The following PPFIBP2 variants were observed in gnomAD, a reference collection of about 807,000 sequenced individuals.
The protein encoded by PPFIBP2 is PPFIB scaffold protein 2, also known as liprin-beta-2.
A neutral mutation model predicts 118.3 loss-of-function variants in PPFIBP2; 118 were observed. The observed-to-expected ratio is 1.00, with a 90% CI of 0.86 to 1.16. PPFIBP2 has a LOEUF of 1.16. PPFIBP2 is among the 50% of genes most tolerant of loss of function. PPFIBP2 has a pLI of 0.00. For synonymous variants in PPFIBP2, 414 were observed against 397.4 expected (o/e 1.04, Z -0.50); for missense variants, 1,195 against 1,073.1 (o/e 1.11, Z -1.59).
At chr11:7,662,686 C>T in the PPFIBP2 span, among the ~76,000 whole-genome samples, 16 of 147,680 alleles carry the variant, frequency 1.1e-4, no homozygotes, top group East Asian at 2.0e-4. Context: ...TGAATCTGAA[C>T]GTTGGCCTGC....
intron 4 of PPFIBP2, among the ~76,000 whole-genome samples, chr11:7,594,869 A>G (rs1396790260): frequency 6.8e-6 from 1 of 147,620 alleles, no homozygotes; most frequent in Non-Finnish European, 1.5e-5. Context: ...GTGAGCCAAC[A>G]TCGCATCACT....
At chr11:7,618,099 A>G (rs1003302986) in intron 6 of PPFIBP2, among the ~76,000 whole-genome samples, 12 of 152,176 alleles carry the variant, frequency 7.9e-5, no homozygotes, top group Admixed American at 1.3e-4. Context: ...GGAAGTTACT[A>G]TGGTCCATAC....
intron 11 of PPFIBP2, among the ~76,000 whole-genome samples, chr11:7,631,543 G>A (rs912745476): frequency 2.6e-5 from 4 of 151,926 alleles, no homozygotes; most frequent in Non-Finnish European, 5.9e-5. Context: ...CATCTATTTC[G>A]TTTGTTTAAA....
chr11:7,515,447 G>T, intron 1 of PPFIBP2, among the ~76,000 whole-genome samples: 1 of 152,166 alleles, frequency 6.6e-6, no homozygotes, highest in African/African-American at 2.4e-5. Context: ...TGACATGAAG[G>T]CGGTAGGAAC....
At chr11:7,554,919 T>C (rs1262240799) in intron 2 of PPFIBP2, among the ~76,000 whole-genome samples, 1 of 152,092 alleles carries the variant, frequency 6.6e-6, no homozygotes, top group Non-Finnish European at 1.5e-5. Context: ...GACTTGGTTC[T>C]AATATGAAAG....
chr11:7,610,326 G>C lies in PPFIBP2; in HGVS notation c.522G>C (p.Lys174Asn). 6.2e-7 allele frequency: 1 copy of C among 1,614,182 alleles called. No individual in the cohort carries two copies. Among genetic ancestry groups the C allele is most frequent in the Non-Finnish European group, 8.5e-7 (1 of 1,180,008 alleles). ...LLSRTSLETQ[K>N]LDLMTEVSEL... Reference sequence around the variant, plus strand: ...GCCGCACATCTCTTGAGACCCAGAAGCTCGATCTGATGACTGAAGTGTCTG... The same window carrying C: ...GCCGCACATCTCTTGAGACCCAGAACCTCGATCTGATGACTGAAGTGTCTG... The change falls in exon 6 of 24, where the codon AAG (lysine) becomes AAC (asparagine). Residue 174 changes from lysine to asparagine, a missense_variant. Lys to Asn is a moderately conservative substitution (Grantham distance 94). Transcript: ENST00000299492.
At chr11:7,528,791 C>G (rs1850436196) in intron 1 of PPFIBP2, among the ~76,000 whole-genome samples, 1 of 152,124 alleles carries the variant, frequency 6.6e-6, no homozygotes, top group Admixed American at 6.6e-5. Flanking sequence ...AAGCTCTGAG[C>G]AGGTGGGTGT....
At chr11:7,665,461 C>A in the PPFIBP2 span, 2 of 1,613,930 alleles carry the variant, frequency 1.2e-6, no homozygotes, top group Non-Finnish European at 1.7e-6. Flanking sequence ...GCGGGCCACA[C>A]ACCAGGATGA....
chr11:7,617,827 C>T (rs1377675948), intron 6 of PPFIBP2, among the ~76,000 whole-genome samples: 1 of 152,082 alleles, frequency 6.6e-6, no homozygotes, highest in East Asian at 1.9e-4. Flanking sequence ...CAGGAAAAAT[C>T]CCCCCCACAT....
chr11:7,522,299 T>G (rs529390425), intron 1 of PPFIBP2, among the ~76,000 whole-genome samples: 1 of 152,198 alleles, frequency 6.6e-6, no homozygotes, highest in Admixed American at 6.5e-5. Flanking sequence ...TGTGTTAGTT[T>G]GCTGGGAGAA....
At chr11:7,524,269 T>C (rs555973268) in intron 1 of PPFIBP2, among the ~76,000 whole-genome samples, 10 of 152,264 alleles carry the variant, frequency 6.6e-5, no homozygotes, top group African/African-American at 2.2e-4. Context: ...CTTGCCTGCT[T>C]AGGCAAGAAA....
rs1263737217 is a variant in PPFIBP2 at position 7,597,450 on chromosome 11, C to T, written c.373-110C>T. 11 of 1,536,552 alleles carry T rather than the reference C, an allele frequency of 7.2e-6. No homozygotes were observed. The African/African-American group carries it at 1.4e-4, about 19-fold the overall frequency. ...ACTCAGCAAAAATCAAAATCGTTCA[C>T]TGTGTGTAAGAGTCAGTGGTGAGAT... On this transcript the variant is annotated intron_variant, in intron 4 of 23. Transcript: ENST00000299492.
chr11:7,632,819 T>A (rs1346146734), intron 11 of PPFIBP2, 48 bp from the exon 12 acceptor site: 1 of 1,463,448 alleles, frequency 6.8e-7, no homozygotes, highest in Non-Finnish European at 9.6e-7. Context: ...TGGTGGGTGG[T>A]CCCCAAACAG....
At chr11:7,548,973 G>C (rs151104082) in intron 1 of PPFIBP2, among the ~76,000 whole-genome samples, 1 of 152,330 alleles carries the variant, frequency 6.6e-6, no homozygotes, top group East Asian at 1.9e-4. Flanking sequence ...TGCAGGCCTA[G>C]GGCAAATGCA....
At chr11:7,577,544 A>C (rs1273242032) in intron 3 of PPFIBP2, 1 of 456,494 alleles carries the variant, frequency 2.2e-6, no homozygotes, top group East Asian at 6.9e-5. Context: ...AGCCAGGAAA[A>C]GGGCTTTTTC....
intron 4 of PPFIBP2, among the ~76,000 whole-genome samples, chr11:7,596,853 C>T (rs1356958303): frequency 6.6e-6 from 1 of 152,194 alleles, no homozygotes; most frequent in East Asian, 1.9e-4. Context: ...ATAGTTAGTG[C>T]ATAATTTGAA....
intron 1 of PPFIBP2, among the ~76,000 whole-genome samples, chr11:7,531,851 T>C (rs1027708233): frequency 6.6e-6 from 1 of 152,160 alleles, no homozygotes; most frequent in African/African-American, 2.4e-5. Flanking sequence ...TTTTTTCTTT[T>C]TGGAGATGGA....
At chr11:7,594,916 CAAAAAAA>C (rs58084975) in intron 4 of PPFIBP2, among the ~76,000 whole-genome samples, 6 of 64,044 alleles carry the variant, frequency 9.4e-5, no homozygotes, top group Non-Finnish European at 1.5e-4. Flanking sequence ...GACTCCATCT[CAAAAAAA>C]AAAAAAAAAA....
chr11:7,649,820 T>A (rs530616391), intron 21 of PPFIBP2, among the ~76,000 whole-genome samples, 166 bp downstream of exon 21: 4 of 152,346 alleles, frequency 2.6e-5, no homozygotes, highest in African/African-American at 9.6e-5. Flanking sequence ...ATCCGTTACC[T>A]GCACTTTGTG....
Sources: allele counts gnomAD v4.1 joint callset (sites outside exome capture counted in the v4.1 genomes callset), GRCh38; gene constraint gnomAD v4.1.1; transcripts MANE v1.5; gene names NCBI Gene and HGNC (gene_info 2026-07-23, HGNC 2026-07-21).